Variants in ABLIM1 observed in about 807,000 individuals in gnomAD.
The protein encoded by ABLIM1 is actin-binding LIM protein 1.
In ABLIM1, 40 loss-of-function variants were observed where a neutral mutation model predicts 107.0. That is an observed-to-expected ratio of 0.37 (90% confidence interval 0.29 to 0.49). The LOEUF (loss-of-function observed/expected upper bound fraction) is 0.49. Among genes scored for constraint, ABLIM1 ranks in the 20% least tolerant of loss-of-function variants. ABLIM1 has a pLI of 0.97. For synonymous variants in ABLIM1, 357 were observed against 357.3 expected, an observed-to-expected ratio of 1.00 and a Z score of 0.01; for missense variants, 857 against 1,008.5, an observed-to-expected ratio of 0.85 and a Z score of 2.04.
chr10:114,572,135 A>G (rs1335216715), intron 3 of ABLIM1, among the ~76,000 whole-genome samples: 1 of 152,198 alleles, frequency 6.6e-6, no homozygotes, highest in Non-Finnish European at 1.5e-5. Context: ...GAGCCCTTTA[A>G]ACAAGTCATT....
At chr10:114,631,426 C>A (rs1387900675) in intron 1 of ABLIM1, among the ~76,000 whole-genome samples, 1 of 152,086 alleles carries the variant, frequency 6.6e-6, no homozygotes, top group African/African-American at 2.4e-5. Context: ...GCACCTGAAG[C>A]CTTTAAAACA....
chr10:114,690,977 A>T (rs7075935), intron 1 of ABLIM1, among the ~76,000 whole-genome samples: 1 of 152,074 alleles, frequency 6.6e-6, no homozygotes, highest in Admixed American at 6.6e-5. Context: ...CCACCTCGCC[A>T]GGCCCTGGCT....
chr10:114,460,432 C>T (rs140049358), intron 12 of ABLIM1, among the ~76,000 whole-genome samples: 1 of 152,232 alleles, frequency 6.6e-6, no homozygotes, highest in African/African-American at 2.4e-5. Context: ...GAAACCCCGT[C>T]TCTACTAAAA....
intron 10 of ABLIM1, among the ~76,000 whole-genome samples, chr10:114,468,887 T>A (rs1390004039): frequency 1.3e-5 from 2 of 151,464 alleles, no homozygotes; most frequent in Non-Finnish European, 2.9e-5. Flanking sequence ...CCGTCTCTAC[T>A]AAAAACTACA....
chr10:114,760,186 G>T (rs908228607), intron 1 of ABLIM1, among the ~76,000 whole-genome samples: 1 of 151,788 alleles, frequency 6.6e-6, no homozygotes, highest in Non-Finnish European at 1.5e-5. Context: ...ATTGAATCTC[G>T]GTGAGAAAGG....
intron 1 of ABLIM1, among the ~76,000 whole-genome samples, chr10:114,630,451 A>G (rs1230827968): frequency 1.3e-5 from 2 of 152,226 alleles, no homozygotes; most frequent in Non-Finnish European, 2.9e-5. Flanking sequence ...ATTTCACTCA[A>G]TTACCATTTA....
chr10:114,654,719 C>T (rs1023187428), intron 1 of ABLIM1, among the ~76,000 whole-genome samples: 2 of 152,220 alleles, frequency 1.3e-5, no homozygotes, highest in Non-Finnish European at 2.9e-5. Flanking sequence ...CGCTCTGGTA[C>T]CTGGGATCGC....
chr10:114,606,113 T>TG (rs2076392822), intron 1 of ABLIM1, among the ~76,000 whole-genome samples: 1 of 152,132 alleles, frequency 6.6e-6, no homozygotes, highest in South Asian at 2.1e-4. Flanking sequence ...TACCTCTCTC[T>TG]GGGGGACAGA....
In ABLIM1 at chr10:114,691,864, G is replaced by A. The variant is rs543334768; in HGVS notation, c.-213+76197C>T. Among the ~76,000 whole-genome samples, 4 of 152,272 alleles carry A rather than the reference G, an allele frequency of 2.6e-5. No individual in the cohort carries two copies. The South Asian group carries it at 8.3e-4, about 32-fold the overall frequency. On this transcript the variant is annotated intron_variant, in intron 1 of 15. Coordinates refer to the ABLIM1 transcript ENST00000651092. ...GAATGAAAGAGGATATTTATCAACT[G>A]TGCTATACCCAGAAGGCTACATTTA...
intron 1 of ABLIM1, among the ~76,000 whole-genome samples, chr10:114,726,632 A>C (rs2081965615): frequency 6.6e-6 from 1 of 152,152 alleles, no homozygotes; most frequent in Non-Finnish European, 1.5e-5. Context: ...AATACAAAAA[A>C]TTAGCTGAGC....
intron 6 of ABLIM1, among the ~76,000 whole-genome samples, chr10:114,542,266 T>C (rs1050855804): frequency 1.6e-4 from 24 of 150,012 alleles, no homozygotes; most frequent in African/African-American, 5.9e-4. Context: ...ACAAAATCAG[T>C]TGGGTGTGAT....
chr10:114,450,319 C>T (rs946915950), intron 14 of ABLIM1, among the ~76,000 whole-genome samples: 2 of 150,956 alleles, frequency 1.3e-5, no homozygotes, highest in African/African-American at 4.9e-5. Context: ...AGAACCATTA[C>T]GATACATACA....
upstream of ABLIM1, among the ~76,000 whole-genome samples, chr10:114,769,198 C>CAAAAAAAAAAAAAAAA (rs2082975545): frequency 2.9e-5 from 2 of 70,156 alleles, no homozygotes; most frequent in African/African-American, 1.1e-4. Context: ...AAAAAAAAAG[C>CAAAAAAAAAAAAAAAA]AAATTAGCAG....
intron 1 of ABLIM1, among the ~76,000 whole-genome samples, chr10:114,733,360 C>A (rs1212465673): frequency 6.6e-6 from 1 of 152,100 alleles, no homozygotes. Context: ...CCCTTTAGAA[C>A]AAAATAACCT....
intron 1 of ABLIM1, among the ~76,000 whole-genome samples, chr10:114,647,849 C>A (rs1302932513): frequency 6.6e-6 from 1 of 152,200 alleles, no homozygotes; most frequent in African/African-American, 2.4e-5. Context: ...CAGTAAGTCA[C>A]TTACAGAAAG....
At chr10:114,474,384 CTT>C (rs71007472) in intron 8 of ABLIM1, among the ~76,000 whole-genome samples, 1 of 135,914 alleles carries the variant, frequency 7.4e-6, no homozygotes, top group Non-Finnish European at 1.5e-5. Context: ...ATAGAGAGAC[CTT>C]TTTTTTTTTT....
At chr10:114,656,965 G>C (rs2079553416) in intron 1 of ABLIM1, among the ~76,000 whole-genome samples, 1 of 152,172 alleles carries the variant, frequency 6.6e-6, no homozygotes, top group African/African-American at 2.4e-5. Flanking sequence ...AAGGGTACAG[G>C]GTTTCTTTTT....
chr10:114,601,943 G>A lies in ABLIM1; in HGVS notation c.263C>T (p.Pro88Leu). The change falls in exon 2 of 23, where the codon CCT becomes CTT. Residue 88 changes from proline (P) to leucine (L), a missense_variant. Pro to Leu is a moderately conservative substitution (Grantham distance 98, BLOSUM62 -3). Around this residue, in one of 5 missense-constraint regions of ABLIM1, gnomAD observed 176 missense variants for 173.5 expected, o/e 1.01. Coordinates refer to ENST00000533213, the MANE Select transcript of ABLIM1 (RefSeq NM_002313.7). The part of the protein sequence containing the change: ...VDPFVAHPQD[P>L]HHPSEKPVIH... ...GACAGGCTTCTCTGATGGGTGGTGA[G>A]GGTCCTGAGGGTGGGCCACTGAAAG... is the stretch of plus-strand genomic sequence containing the variant. 6.2e-7 allele frequency: 1 copy of A among 1,614,168 alleles called. No homozygotes were observed. Among genetic ancestry groups the A allele is most frequent in the Non-Finnish European group, 8.5e-7 (1 of 1,180,014 alleles).
chr10:114,760,201 CA>C (rs2082715387), intron 1 of ABLIM1, among the ~76,000 whole-genome samples: 1 of 151,618 alleles, frequency 6.6e-6, no homozygotes, highest in South Asian at 2.1e-4. Flanking sequence ...GAAAGGGTGA[CA>C]GATTAAGAGT....
Sources: gnomAD v4.1 joint callset for allele counts (sites outside exome capture counted in the v4.1 genomes callset) on GRCh38, gnomAD v4.1.1 for gene constraint, gnomAD v4.1.1 regional missense constraint, MANE v1.5 for transcripts, NCBI Gene and HGNC (gene_info 2026-07-23, HGNC 2026-07-21) for gene names.